The following AFF1 variants were observed in gnomAD, a reference collection of about 807,000 sequenced individuals.
AFF1 encodes AF4/FMR2 family member 1.
AFF1 carries 48 observed loss-of-function variants against 121.7 expected under a neutral mutation model. The ratio of observed to expected loss-of-function variants is 0.39; its 90% CI spans 0.31 to 0.50. The LOEUF (loss-of-function observed/expected upper bound fraction) is 0.50, where lower values mean the gene tolerates loss of function less well. Ranked by LOEUF, AFF1 falls within the 20% of genes least tolerant of loss-of-function variation. The pLI is 0.76. For synonymous variants in AFF1, 613 were observed against 563.0 expected, an observed-to-expected ratio of 1.09 and a Z score of -1.26; for missense variants, 1,523 against 1,511.7, an observed-to-expected ratio of 1.01 and a Z score of -0.12.
At chr4:87,024,483 G>T (rs1728330285) in intron 2 of AFF1, among the ~76,000 whole-genome samples, 1 of 152,022 alleles carries the variant, frequency 6.6e-6, no homozygotes, top group African/African-American at 2.4e-5. Context: ...GAGATGGTAG[G>T]GTATTTGTAA....
rs895127089 is a variant in AFF1, at chr4:87,052,097, C to G, written c.1059+4503C>G. ...CAGAGCTCAGAGACGTATTTCATTT[C>G]AGGCAGAGGAAACAAGTGTAAAGGC... is the stretch of plus-strand genomic sequence containing the variant. On this transcript the variant is annotated intron_variant, in intron 4 of 20. Transcript: ENST00000395146. Among the ~76,000 whole-genome samples, 8 of 152,210 alleles carry G rather than the reference C, an allele frequency of 5.3e-5. No homozygotes were observed. The East Asian group carries it at 1.5e-3, about 29-fold the overall frequency.
chr4:87,007,048 G>A (rs1313141923), intron 2 of AFF1: 18 of 1,187,778 alleles, frequency 1.5e-5, no homozygotes, highest in Non-Finnish European at 1.9e-5. Context: ...CAGGCGTTGG[G>A]CGCCGGCGGT....
At chr4:87,049,425 T>C (rs182387532) in intron 4 of AFF1, among the ~76,000 whole-genome samples, 10 of 152,320 alleles carry the variant, frequency 6.6e-5, no homozygotes, top group African/African-American at 2.4e-4. Flanking sequence ...ACTGTTTTCT[T>C]GGGTGGAAAT....
chr4:87,085,983 C>T (rs578005882), intron 5 of AFF1, among the ~76,000 whole-genome samples: 1 of 152,272 alleles, frequency 6.6e-6, no homozygotes, highest in African/African-American at 2.4e-5. Context: ...AAGTGATCCA[C>T]CCGCCTCAGC....
chr4:87,030,212 G>A (rs1426436918), intron 2 of AFF1, among the ~76,000 whole-genome samples: 1 of 152,124 alleles, frequency 6.6e-6, no homozygotes, highest in Non-Finnish European at 1.5e-5. Context: ...TTTCTGTGAA[G>A]GACCAGATGG....
chr4:87,110,441 T>TTTTG (rs1726361375), intron 11 of AFF1, among the ~76,000 whole-genome samples: 1 of 143,930 alleles, frequency 6.9e-6, no homozygotes, highest in African/African-American at 2.6e-5. Flanking sequence ...TGTTCTGGTT[T>TTTTG]TTTTGTTTTG....
chr4:87,024,025 A>G (rs940862530), intron 2 of AFF1, among the ~76,000 whole-genome samples: 1 of 152,224 alleles, frequency 6.6e-6, no homozygotes, highest in African/African-American at 2.4e-5. Context: ...TTAAGCAATT[A>G]TTTATTGAGC....
intron 4 of AFF1, among the ~76,000 whole-genome samples, chr4:87,075,861 C>CT (rs1722618073): frequency 1.3e-5 from 2 of 152,106 alleles, no homozygotes; most frequent in Admixed American, 1.3e-4. Flanking sequence ...CCATAAAACT[C>CT]TAATTACTTT....
chr4:86,972,638 A>C (rs998969658), intron 2 of AFF1, among the ~76,000 whole-genome samples: 1 of 152,136 alleles, frequency 6.6e-6, no homozygotes, highest in Non-Finnish European at 1.5e-5. Context: ...CCTGGGTTCA[A>C]GTGATTCTCT....
intron 2 of AFF1, among the ~76,000 whole-genome samples, chr4:87,030,440 T>A (rs553956623): frequency 6.6e-6 from 1 of 152,352 alleles, no homozygotes; most frequent in East Asian, 1.9e-4. Context: ...TCTTGCTAAC[T>A]TTAAGGAACA....
rs754877512 is a variant in AFF1 at position 87,114,758 on chromosome 4, G to C, written c.1925G>C (p.Arg642Pro). 2 of 1,613,414 alleles carry C rather than the reference G, an allele frequency of 1.2e-6. No individual in the cohort carries two copies. Among genetic ancestry groups the C allele is most frequent in the Non-Finnish European group, 8.5e-7 (1 of 1,179,842 alleles). ...REPGLLPYGSRDQTSKDKPKV... is the reference protein window; with the variant it reads ...REPGLLPYGSPDQTSKDKPKV... ...CCAGGGCTTCTTCCCTATGGCTCCCGAGACCAGACTTCCAAAGACAAGCCC... is the reference window on the plus strand; with the variant it reads ...CCAGGGCTTCTTCCCTATGGCTCCCCAGACCAGACTTCCAAAGACAAGCCC... Residue 642 changes from arginine to proline, a missense_variant, in exon 12 of 21, where the codon CGA becomes CCA. Around this residue, in one of 5 missense-constraint regions of AFF1, gnomAD observed 905 missense variants for 842.5 expected, o/e 1.07. Transcript: ENST00000395146.
intron 1 of AFF1, 44 bp from the exon 2 acceptor site, chr4:86,948,454 C>G: frequency 7.5e-7 from 1 of 1,341,042 alleles, no homozygotes; most frequent in African/African-American, 1.5e-5. Context: ...CCTGAATTTA[C>G]TCACAGGCTA....
chr4:86,959,691 T>C (rs968253360), intron 2 of AFF1, among the ~76,000 whole-genome samples: 2 of 152,140 alleles, frequency 1.3e-5, no homozygotes, highest in Admixed American at 6.5e-5. Flanking sequence ...CACTTGGGTT[T>C]TGTGTAAAGC....
chr4:86,935,520 C>G (rs1021674260), intron 1 of AFF1: 1 of 152,438 alleles, frequency 6.6e-6, no homozygotes, highest in Non-Finnish European at 1.5e-5. Context: ...TCCTCCCTCA[C>G]GCGCAGCCCC....
chr4:87,079,055 C>G (rs1321130946), intron 4 of AFF1, among the ~76,000 whole-genome samples: 1 of 152,110 alleles, frequency 6.6e-6, no homozygotes, highest in Non-Finnish European at 1.5e-5. Flanking sequence ...GAATCTTATC[C>G]AAGATTCAGC....
At chr4:87,017,857 A>G (rs1727467032) in intron 2 of AFF1, among the ~76,000 whole-genome samples, 1 of 152,080 alleles carries the variant, frequency 6.6e-6, no homozygotes, top group Non-Finnish European at 1.5e-5. Flanking sequence ...AAAATGTTTC[A>G]TGAAATGCTC....
chr4:87,084,710 G>A (rs141013667), intron 5 of AFF1, among the ~76,000 whole-genome samples: 18 of 152,272 alleles, frequency 1.2e-4, no homozygotes, highest in African/African-American at 1.4e-4. Flanking sequence ...GTCTTGGAAC[G>A]TAATTGAATT....
intron 2 of AFF1, among the ~76,000 whole-genome samples, chr4:87,029,151 G>A (rs1421606072): frequency 6.6e-6 from 1 of 152,176 alleles, no homozygotes; most frequent in Admixed American, 6.5e-5. Flanking sequence ...TTATCCTCTA[G>A]CATTTGGTAA....
intron 12 of AFF1, among the ~76,000 whole-genome samples, chr4:87,124,784 A>AT: frequency 6.6e-6 from 1 of 152,242 alleles, no homozygotes; most frequent in Non-Finnish European, 1.5e-5. Flanking sequence ...GTTTTCTTGC[A>AT]TGGGAGGAAT....
Sources: allele counts gnomAD v4.1 joint callset (sites outside exome capture counted in the v4.1 genomes callset), GRCh38; gene constraint gnomAD v4.1.1; regional missense constraint gnomAD v4.1.1; transcripts MANE v1.5; gene names NCBI Gene and HGNC (gene_info 2026-07-23, HGNC 2026-07-21).